The following NPAS3 variants were observed in gnomAD, a reference collection of about 807,000 sequenced individuals.
NPAS3 encodes neuronal PAS domain protein 3.
In NPAS3, 14 loss-of-function variants were observed where a neutral mutation model predicts 73.1. The observed-to-expected ratio is 0.19, with a 90% CI of 0.13 to 0.30. The LOEUF (loss-of-function observed/expected upper bound fraction) is 0.30, where lower values mean the gene tolerates loss of function less well. NPAS3 is among the 10% of genes least tolerant of loss of function. The pLI is 1.00. For synonymous variants in NPAS3, 620 were observed against 541.5 expected, an observed-to-expected ratio of 1.14 and a Z score of -2.01; for missense variants, 1,096 against 1,250.0, an observed-to-expected ratio of 0.88 and a Z score of 1.86.
chr14:33,325,456 G>A (rs1289824395), intron 3 of NPAS3, among the ~76,000 whole-genome samples: 1 of 152,024 alleles, frequency 6.6e-6, no homozygotes, highest in Non-Finnish European at 1.5e-5. Context: ...GGCCAGCCTG[G>A]CCAACATGGT....
chr14:32,934,946 G>A (rs1195918711), upstream of NPAS3: 31 of 1,242,230 alleles, frequency 2.5e-5, no homozygotes, highest in Non-Finnish European at 3.2e-5. The surrounding 1 kb of genome is among the most constrained non-coding windows in gnomAD (Gnocchi z 4.1). Flanking sequence ...GGGAGGGCCG[G>A]CGCCGCGGCC....
At chr14:32,993,685 A>G (rs1301434401) in intron 1 of NPAS3, among the ~76,000 whole-genome samples, 1 of 152,206 alleles carries the variant, frequency 6.6e-6, no homozygotes, top group Non-Finnish European at 1.5e-5. Flanking sequence ...TTACTGACAG[A>G]TTATGGTTTT....
chr14:33,274,514 G>A (rs896193692), intron 3 of NPAS3, among the ~76,000 whole-genome samples: 13 of 151,904 alleles, frequency 8.6e-5, no homozygotes, highest in African/African-American at 4.8e-5. Context: ...ACAATTGGCC[G>A]CTACCCGCTG....
In NPAS3 at chr14:33,040,075, C is replaced by T. The variant is rs150432854; in HGVS notation, c.51-15830C>T. On this transcript the variant is annotated intron_variant, in intron 1 of 11. Transcript: ENST00000356141. ...TTTCTTTTTTTCTTTTTTTTTACTC[C>T]AGTGAATTTTATTAATGGGATTCCA... Among the ~76,000 whole-genome samples, 13 of 151,792 alleles carry T rather than the reference C, an allele frequency of 8.6e-5. No individual in the cohort carries two copies. In the East Asian group the frequency reaches 2.1e-3, roughly 25 times the overall value.
intron 7 of NPAS3, among the ~76,000 whole-genome samples, chr14:33,759,045 C>T (rs2062202783): frequency 6.6e-6 from 1 of 152,154 alleles, no homozygotes; most frequent in South Asian, 2.1e-4. Flanking sequence ...GGTAGATAAA[C>T]CAAAAGTGTG....
intron 4 of NPAS3, among the ~76,000 whole-genome samples, chr14:33,455,625 C>T (rs1289071565): frequency 6.6e-6 from 1 of 152,196 alleles, no homozygotes; most frequent in African/African-American, 2.4e-5. Flanking sequence ...ATTACAGATG[C>T]AGCTATAATC....
chr14:33,555,718 C>A (rs891821889), intron 4 of NPAS3, among the ~76,000 whole-genome samples: 2 of 152,164 alleles, frequency 1.3e-5, no homozygotes, highest in Non-Finnish European at 2.9e-5. Flanking sequence ...AAGGTAGTGG[C>A]TATGAGAAAA....
At chr14:33,148,614 G>GA (rs1456169857) in intron 2 of NPAS3, among the ~76,000 whole-genome samples, 1 of 152,218 alleles carries the variant, frequency 6.6e-6, no homozygotes, top group South Asian at 2.1e-4. Flanking sequence ...AAGCTCAACT[G>GA]AAAAAATTTT....
intron 2 of NPAS3, among the ~76,000 whole-genome samples, chr14:33,135,820 G>T (rs1773098679): frequency 6.6e-6 from 1 of 152,178 alleles, no homozygotes; most frequent in Admixed American, 6.5e-5. Context: ...GCCAGTTCCA[G>T]CAGCCAATGC....
chr14:33,193,832 T>C (rs2046253327), intron 2 of NPAS3, among the ~76,000 whole-genome samples: 1 of 152,230 alleles, frequency 6.6e-6, no homozygotes, highest in African/African-American at 2.4e-5. Flanking sequence ...AAGCTGAGCT[T>C]TATACTTATT....
chr14:33,399,594 A>G (rs1473681347), intron 4 of NPAS3, among the ~76,000 whole-genome samples: 1 of 151,924 alleles, frequency 6.6e-6, no homozygotes, highest in African/African-American at 2.4e-5. Flanking sequence ...GAGATCAACA[A>G]TTCATTTACT....
chr14:33,411,853 A>G (rs1007050857), intron 4 of NPAS3, among the ~76,000 whole-genome samples: 3 of 150,678 alleles, frequency 2.0e-5, no homozygotes, highest in African/African-American at 7.5e-5. Flanking sequence ...CATCTACTCC[A>G]ATGATCATTT....
intron 3 of NPAS3, among the ~76,000 whole-genome samples, chr14:33,227,774 A>G (rs573768691): frequency 2.0e-4 from 30 of 152,330 alleles, no homozygotes; most frequent in African/African-American, 6.7e-4. Context: ...TAACACAAGG[A>G]GTTCTAACAA....
At chr14:33,482,235 T>C (rs548240415) in intron 4 of NPAS3, among the ~76,000 whole-genome samples, 2 of 152,312 alleles carry the variant, frequency 1.3e-5, no homozygotes, top group African/African-American at 4.8e-5. Flanking sequence ...TTATTCTTTT[T>C]TGAAAAACAA....
intron 2 of NPAS3, among the ~76,000 whole-genome samples, chr14:33,172,483 C>G (rs1283902247): frequency 6.6e-6 from 1 of 152,128 alleles, no homozygotes; most frequent in Non-Finnish European, 1.5e-5. Flanking sequence ...GGCCTGAAAT[C>G]TCAGCATTTT....
intron 6 of NPAS3, among the ~76,000 whole-genome samples, chr14:33,730,587 T>C (rs896605773): frequency 1.3e-5 from 2 of 152,178 alleles, no homozygotes; most frequent in African/African-American, 4.8e-5. Flanking sequence ...GAAAGTGACA[T>C]GTGGCTTTTG....
Position 33,754,930 on chromosome 14 carries a change from G to GGACA in NPAS3, c.853-19406_853-19403dup, listed in dbSNP as rs542423057. On this transcript the variant is annotated intron_variant, in intron 7 of 11. Transcript: ENST00000356141. ...TGACGTGTCTCATAGACGAGACCAT[G>GGACA]GACACAGCAGGACAAATCTTTAGAT... is the stretch of plus-strand genomic sequence containing the variant. Among the ~76,000 whole-genome samples the GGACA allele has an allele frequency of 1.5e-4, 23 of 152,290 alleles. No homozygotes were observed. The East Asian group carries it at 4.2e-3, about 28-fold the overall frequency.
intron 2 of NPAS3, among the ~76,000 whole-genome samples, chr14:33,072,553 G>A (rs1021215662): frequency 6.6e-6 from 1 of 152,182 alleles, no homozygotes; most frequent in African/African-American, 2.4e-5. Flanking sequence ...TTTCCCTAGG[G>A]AACCCAGGAT....
intron 1 of NPAS3, among the ~76,000 whole-genome samples, chr14:33,028,879 C>T (rs1216606085): frequency 6.6e-6 from 1 of 152,084 alleles, no homozygotes; most frequent in Non-Finnish European, 1.5e-5. Flanking sequence ...AGGTTTGTTA[C>T]ATAGGTAAAA....
Sources: allele counts gnomAD v4.1 joint callset (sites outside exome capture counted in the v4.1 genomes callset), GRCh38; gene constraint gnomAD v4.1.1; non-coding constraint Gnocchi (gnomAD v3.1); transcripts MANE v1.5; gene names NCBI Gene and HGNC (gene_info 2026-07-23, HGNC 2026-07-21).